PCSK6: variants seen among roughly 807,000 people sequenced by gnomAD.
PCSK6 encodes the protein proprotein convertase subtilisin/kexin type 6.
In PCSK6, 85 loss-of-function variants were observed where a neutral mutation model predicts 123.3. The ratio of observed to expected loss-of-function variants is 0.69; its 90% CI spans 0.58 to 0.83. The LOEUF (loss-of-function observed/expected upper bound fraction) is 0.83, where lower values mean the gene tolerates loss of function less well. Among genes scored for constraint, PCSK6 ranks in the 40% least tolerant of loss-of-function variants. The pLI is 0.00. For missense variants in PCSK6, 1,191 were observed against 1,282.3 expected (o/e 0.93, Z 1.09); for synonymous variants, 508 against 516.0 (o/e 0.98, Z 0.21).
chr15:101,315,471 G>A (rs952915401), intron 19 of PCSK6, among the ~76,000 whole-genome samples: 20 of 152,216 alleles, frequency 1.3e-4, no homozygotes, highest in Non-Finnish European at 2.6e-4. Flanking sequence ...AGCAGAACGG[G>A]CTGTGCTTAT....
intron 17 of PCSK6, 47 bp downstream of exon 17, chr15:101,324,803 G>A: frequency 6.6e-7 from 1 of 1,516,280 alleles, no homozygotes; most frequent in Non-Finnish European, 9.0e-7. Context: ...GGCCCAGAAA[G>A]TTGGGGCTGG....
At chr15:101,429,738 G>T (rs1042438465) in intron 5 of PCSK6, among the ~76,000 whole-genome samples, 1 of 152,222 alleles carries the variant, frequency 6.6e-6, no homozygotes, top group Admixed American at 6.5e-5. Context: ...AACGATGTCT[G>T]TCAAACACCC....
At chr15:101,383,573 C>A (rs1221876854) in intron 10 of PCSK6, among the ~76,000 whole-genome samples, 1 of 152,070 alleles carries the variant, frequency 6.6e-6, no homozygotes, top group African/African-American at 2.4e-5. Context: ...AGGGTAGAGG[C>A]CCCACTGTCC....
Position 101,425,762 on chromosome 15 carries a change from C to T in PCSK6, c.823+2130G>A, listed in dbSNP as rs1023681434. ...AGGGAGCACCTTCACTTGCAGGACT[C>T]GGGAAACGTAGGGAAAGAGTTTGGC... On this transcript the variant is annotated intron_variant, in intron 6 of 21. Transcript: ENST00000611716. Among the ~76,000 whole-genome samples the T allele has an allele frequency of 7.9e-5, 12 of 152,256 alleles. No individual in the cohort carries two copies. In the South Asian group the frequency reaches 1.0e-3, roughly 13 times the overall value.
At chr15:101,314,692 T>C (rs1020114239) in intron 19 of PCSK6, among the ~76,000 whole-genome samples, 1 of 152,058 alleles carries the variant, frequency 6.6e-6, no homozygotes. Context: ...AGCTCCTCCT[T>C]GGAGAGTCAG....
chr15:101,304,489 G>C lies in PCSK6; in HGVS notation c.*769C>G, dbSNP rs1184140818. 2.0e-5 allele frequency: 3 copies of C among 152,160 alleles called. No homozygotes were observed. Among genetic ancestry groups the C allele is most frequent in the African/African-American group, 7.2e-5 (3 of 41,426 alleles). The allele number at this position is 152,160 out of a possible 1,614,324, so 9.4% of individuals were successfully genotyped here. ...GGCTGGCCACAGAATGCCTCCTGTT[G>C]CCTCTCCTCAGAAGGCTCTGCATCA... is the stretch of plus-strand genomic sequence containing the variant. On this transcript the variant is annotated 3_prime_UTR_variant, in exon 22 of 22. Transcript: ENST00000611716.
chr15:101,489,276 G>A, intron 1 of PCSK6, 98 bp downstream of exon 1: 1 of 806,234 alleles, frequency 1.2e-6, no homozygotes, highest in African/African-American at 1.9e-5. Flanking sequence ...CGCGCGCGCG[G>A]GGCCGGGGCC....
At chr15:101,440,852 T>C (rs1441789343) in intron 2 of PCSK6, among the ~76,000 whole-genome samples, 1 of 152,198 alleles carries the variant, frequency 6.6e-6, no homozygotes, top group East Asian at 1.9e-4. Context: ...GTGGAGTAAA[T>C]ATTAGTCAGA....
At chr15:101,421,742 C>A (rs1263006377) in intron 6 of PCSK6, among the ~76,000 whole-genome samples, 1 of 152,102 alleles carries the variant, frequency 6.6e-6, no homozygotes, top group East Asian at 1.9e-4. Context: ...CACCAGTGAC[C>A]CTGAATCAGA....
At chr15:101,344,301 T>C (rs1386395111) in intron 13 of PCSK6, among the ~76,000 whole-genome samples, 1 of 152,226 alleles carries the variant, frequency 6.6e-6, no homozygotes, top group Non-Finnish European at 1.5e-5. Flanking sequence ...TTTTGCTCTA[T>C]ATGTATTTTA....
intron 13 of PCSK6, among the ~76,000 whole-genome samples, chr15:101,353,504 C>T (rs2040956504): frequency 6.6e-6 from 1 of 152,210 alleles, no homozygotes; most frequent in Non-Finnish European, 1.5e-5. Context: ...AGCAAGTTCT[C>T]AGAAGGCCTG....
chr15:101,417,315 T>G, intron 6 of PCSK6, among the ~76,000 whole-genome samples: 1 of 152,226 alleles, frequency 6.6e-6, no homozygotes, highest in East Asian at 1.9e-4. Flanking sequence ...GGGTATGTCT[T>G]TATCAGCAGT....
intron 13 of PCSK6, among the ~76,000 whole-genome samples, chr15:101,355,164 G>A (rs1186830551): frequency 6.6e-6 from 1 of 152,228 alleles, no homozygotes; most frequent in Non-Finnish European, 1.5e-5. Flanking sequence ...AGAGAAAAAA[G>A]AAATTTTAAT....
rs146688752 is a variant in PCSK6, at chr15:101,394,524, G to A, written c.997-1100C>T. Among the ~76,000 whole-genome samples, 312 of 152,318 alleles carry A rather than the reference G, an allele frequency of 2.0e-3. 2 individuals are homozygous for A. Among genetic ancestry groups the A allele is most frequent in the East Asian group, 0.013 (65 of 5,184 alleles). On this transcript the variant is annotated intron_variant, in intron 7 of 21. Coordinates refer to ENST00000611716, the MANE Select transcript of PCSK6 (RefSeq NM_002570.5). ...CACAGCTGGCCCGAGAGAAGGGCCA[G>A]CATCCACCTCCACGGGAAACTGGAG... is the stretch of plus-strand genomic sequence containing the variant.
chr15:101,471,698 G>A (rs1346754358), intron 1 of PCSK6, among the ~76,000 whole-genome samples: 1 of 152,156 alleles, frequency 6.6e-6, no homozygotes, highest in Admixed American at 6.5e-5. Context: ...TGTTGAGTTT[G>A]GATAAATGTA....
intron 1 of PCSK6, among the ~76,000 whole-genome samples, chr15:101,460,576 G>A (rs1348173606): frequency 2.0e-5 from 3 of 152,262 alleles, no homozygotes; most frequent in African/African-American, 4.8e-5. Context: ...AGAACTCCAC[G>A]CCCAACAACA....
intron 13 of PCSK6, among the ~76,000 whole-genome samples, chr15:101,353,613 T>C (rs2040959317): frequency 6.6e-6 from 1 of 152,238 alleles, no homozygotes; most frequent in Non-Finnish European, 1.5e-5. Flanking sequence ...TCCCAGCTTT[T>C]AATATTTCAT....
chr15:101,392,722 C>G (rs2042270230), intron 8 of PCSK6, among the ~76,000 whole-genome samples: 1 of 151,034 alleles, frequency 6.6e-6, no homozygotes, highest in Non-Finnish European at 1.5e-5. Context: ...GCGGAACAGA[C>G]AGAAACCACT....
intron 18 of PCSK6, among the ~76,000 whole-genome samples, chr15:101,318,887 T>G (rs2040054148): frequency 6.6e-6 from 1 of 152,168 alleles, no homozygotes; most frequent in Admixed American, 6.5e-5. Context: ...GCTTGAAACC[T>G]TGGAACCTTC....
Sources: allele counts gnomAD v4.1 joint callset (sites outside exome capture counted in the v4.1 genomes callset), GRCh38; gene constraint gnomAD v4.1.1; transcripts MANE v1.5; gene names NCBI Gene and HGNC (gene_info 2026-07-23, HGNC 2026-07-21).